The following SNX30 variants were observed in gnomAD, a reference collection of about 807,000 sequenced individuals.
SNX30 encodes sorting nexin family member 30.
Under a neutral mutation model 46.4 loss-of-function variants are expected in SNX30, and 24 were observed. That is an observed-to-expected ratio of 0.52 (90% CI 0.37 to 0.73). SNX30 has a LOEUF of 0.73. Ranked by LOEUF, SNX30 falls within the 30% of genes least tolerant of loss-of-function variation. SNX30 has a pLI of 0.00. For synonymous variants in SNX30, 189 were observed against 211.5 expected, an observed-to-expected ratio of 0.89 and a Z score of 0.92; for missense variants, 533 against 555.7, an observed-to-expected ratio of 0.96 and a Z score of 0.41.
At chr9:112,806,278 G>T (rs1186399503) in intron 2 of SNX30, among the ~76,000 whole-genome samples, 2 of 152,046 alleles carry the variant, frequency 1.3e-5, no homozygotes, top group Non-Finnish European at 2.9e-5. Context: ...CATATTTAGA[G>T]GAAGAATGAC....
chr9:112,812,633 C>T (rs1199440778), intron 2 of SNX30, among the ~76,000 whole-genome samples: 2 of 152,080 alleles, frequency 1.3e-5, no homozygotes, highest in African/African-American at 2.4e-5. Flanking sequence ...GTATTAAGTT[C>T]CCAATGTCCT....
chr9:112,771,689 CA>C (rs538611837), intron 1 of SNX30, among the ~76,000 whole-genome samples: 45 of 151,968 alleles, frequency 3.0e-4, no homozygotes, highest in African/African-American at 1.0e-3. Flanking sequence ...GATCATGCTT[CA>C]AAAAAAGGGG....
intron 1 of SNX30, 51 bp downstream of exon 1, chr9:112,751,208 G>A (rs1389410383): frequency 1.6e-5 from 22 of 1,357,146 alleles, no homozygotes; most frequent in Non-Finnish European, 2.0e-5. Context: ...TCCCCGTGGG[G>A]GGGATGATGG....
chr9:112,777,606 T>TATTTA (rs1306750812), intron 1 of SNX30, among the ~76,000 whole-genome samples: 1 of 42,148 alleles, frequency 2.4e-5, no homozygotes, highest in African/African-American at 6.6e-5. Context: ...TTTAATTTTT[T>TATTTA]TTTTTTTTTT....
intron 3 of SNX30, among the ~76,000 whole-genome samples, chr9:112,819,348 C>T (rs921917714): frequency 2.8e-5 from 4 of 142,688 alleles, no homozygotes; most frequent in African/African-American, 5.2e-5. Flanking sequence ...CTCACTGCAA[C>T]CTCTGCCCCC....
At chr9:112,881,309 C>T (rs1841574618) in intron 5 of SNX30, 1 of 152,214 alleles carries the variant, frequency 6.6e-6, no homozygotes, top group Admixed American at 6.5e-5. Flanking sequence ...CGCTTAGATC[C>T]AAGCCTTTTA....
At chr9:112,768,695 C>T (rs1013036502) in intron 1 of SNX30, among the ~76,000 whole-genome samples, 2 of 109,592 alleles carry the variant, frequency 1.8e-5, no homozygotes, top group African/African-American at 3.5e-5. Flanking sequence ...TTGCTCTTGT[C>T]GCTTAGGCTA....
At chr9:112,851,983 A>ACC (rs1841035164) in intron 7 of SNX30, among the ~76,000 whole-genome samples, 1 of 152,210 alleles carries the variant, frequency 6.6e-6, no homozygotes, top group South Asian at 2.1e-4. Context: ...TGTTGAAAGG[A>ACC]AACTTTTAAA....
At chr9:112,834,117 C>G (rs1199071248) in intron 4 of SNX30, among the ~76,000 whole-genome samples, 1 of 131,806 alleles carries the variant, frequency 7.6e-6, no homozygotes, top group Non-Finnish European at 1.5e-5. Context: ...CAGGCAACAA[C>G]AGTTGTCATC....
At chr9:112,842,627 C>A (rs576059478) in intron 6 of SNX30, among the ~76,000 whole-genome samples, 1 of 152,346 alleles carries the variant, frequency 6.6e-6, no homozygotes, top group East Asian at 1.9e-4. Flanking sequence ...GGACTATACT[C>A]CTTAGTGACC....
chr9:112,838,705 G>A lies in SNX30; in HGVS notation c.1014+8G>A. On this transcript the variant is annotated splice_region_variant and intron_variant, in intron 6 of 8. Transcript: ENST00000374232. ...TACTCTGACTCCATGAAGGTAAGCT[G>A]GCTTGCTTCTTGTGTATTTGCATAC... The A allele has an allele frequency of 1.9e-6, 3 of 1,612,940 alleles. No individual in the cohort carries two copies. Among genetic ancestry groups the A allele is most frequent in the Admixed American group, 1.7e-5 (1 of 59,922 alleles).
intron 3 of SNX30, among the ~76,000 whole-genome samples, chr9:112,820,083 A>G (rs7032835): frequency 0.03 from 4,600 of 152,308 alleles, 238 homozygotes; most frequent in African/African-American, 0.1. Flanking sequence ...TGGTTGAAAC[A>G]TAGTGTCTAC....
chr9:112,845,656 G>T (rs889260385), intron 6 of SNX30, among the ~76,000 whole-genome samples: 8 of 152,184 alleles, frequency 5.3e-5, no homozygotes, highest in Admixed American at 2.0e-4. Context: ...AGGAGGAAAA[G>T]AGCCTTTTCT....
intron 6 of SNX30, among the ~76,000 whole-genome samples, chr9:112,846,172 A>G (rs910626260): frequency 1.3e-5 from 2 of 152,230 alleles, no homozygotes; most frequent in African/African-American, 4.8e-5. Context: ...GGATTAGACC[A>G]TCTGAATAAC....
At chr9:112,787,622 G>A (rs984764605) in intron 1 of SNX30, among the ~76,000 whole-genome samples, 4 of 151,616 alleles carry the variant, frequency 2.6e-5, no homozygotes, top group African/African-American at 7.3e-5. Flanking sequence ...ATAATTATAG[G>A]TTCTCTCCTA....
chr9:112,775,918 C>A (rs1839741081), intron 1 of SNX30, among the ~76,000 whole-genome samples: 1 of 151,612 alleles, frequency 6.6e-6, no homozygotes, highest in African/African-American at 2.4e-5. Context: ...CCTCAACACT[C>A]TTCCTTCATT....
intron 4 of SNX30, among the ~76,000 whole-genome samples, chr9:112,832,854 T>A (rs1268249943): frequency 6.8e-6 from 1 of 146,642 alleles, no homozygotes; most frequent in African/African-American, 2.5e-5. Flanking sequence ...ATATAATATA[T>A]AATAAATATA....
intron 2 of SNX30, among the ~76,000 whole-genome samples, chr9:112,809,417 A>G (rs1240423605): frequency 1.3e-5 from 2 of 152,146 alleles, no homozygotes; most frequent in African/African-American, 2.4e-5. Context: ...TGGCCCCGAT[A>G]CCCAGCACTG....
At chr9:112,843,984 A>AT (rs1234932394) in intron 6 of SNX30, among the ~76,000 whole-genome samples, 2 of 152,072 alleles carry the variant, frequency 1.3e-5, no homozygotes, top group Non-Finnish European at 2.9e-5. Flanking sequence ...ACAGGATGTG[A>AT]TTTTCACTTT....
Sources: allele counts gnomAD v4.1 joint callset (sites outside exome capture counted in the v4.1 genomes callset), GRCh38; gene constraint gnomAD v4.1.1; transcripts MANE v1.5; gene names NCBI Gene and HGNC (gene_info 2026-07-23, HGNC 2026-07-21).